PASK: variants seen among roughly 807,000 people sequenced by gnomAD.
The protein encoded by PASK is PAS domain-containing serine/threonine-protein kinase.
PASK carries 110 observed loss-of-function variants against 121.0 expected under a neutral mutation model. The observed-to-expected ratio is 0.91, with a 90% CI of 0.78 to 1.06. PASK has a LOEUF of 1.06. Ranked by LOEUF, PASK falls within the 50% of genes least tolerant of loss-of-function variation. PASK has a pLI of 0.00. For synonymous variants in PASK, 686 were observed against 717.8 expected (o/e 0.96, Z 0.71); for missense variants, 1,643 against 1,702.3 (o/e 0.97, Z 0.61).
At chr2:241,124,932 C>T (rs1294619500) in intron 10 of PASK, among the ~76,000 whole-genome samples, 3 of 152,006 alleles carry the variant, frequency 2.0e-5, no homozygotes, top group Admixed American at 6.6e-5. Flanking sequence ...TTTGGGAGGC[C>T]GAGGCGGGCG....
At chr2:241,144,732 A>T (rs1376618725) in intron 1 of PASK, among the ~76,000 whole-genome samples, 2 of 152,156 alleles carry the variant, frequency 1.3e-5, no homozygotes, top group Non-Finnish European at 2.9e-5. Flanking sequence ...TGGGGTGAAG[A>T]GGAAAGGGGA....
intron 9 of PASK, among the ~76,000 whole-genome samples, chr2:241,130,895 T>C (rs1478343798): frequency 6.6e-6 from 1 of 152,132 alleles, no homozygotes; most frequent in African/African-American, 2.4e-5. Context: ...ACACTGTGTA[T>C]GGTATAATCC....
intron 12 of PASK, chr2:241,118,952 T>C (rs1470266418): frequency 8.8e-6 from 9 of 1,023,682 alleles, no homozygotes; most frequent in Non-Finnish European, 1.1e-5. Flanking sequence ...AAGCTGCCCG[T>C]GGCTGGCAAG....
chr2:241,127,187 C>T lies in PASK; in HGVS notation c.1728G>A (p.Met576Ile), dbSNP rs1408478899. The T allele has an allele frequency of 6.2e-7, 1 of 1,614,120 alleles. No individual in the cohort carries two copies. The change falls in exon 10 of 18, where the codon ATG (methionine) becomes ATA (isoleucine). Residue 576 changes from methionine to isoleucine, a missense_variant. Physicochemically the swap from Met to Ile is conservative, Grantham distance 10. Coordinates refer to ENST00000234040, the MANE Select transcript of PASK (RefSeq NM_015148.4). ...CTGAACCGCTGGGACCACTGACTCC[C>T]ATCCGCTCTAGCTGGGCCTTCTGAC... ...GLCQKAQLER[M>I]GVSGPSGSDL...
chr2:241,143,631 G>C (rs976797295), intron 1 of PASK, among the ~76,000 whole-genome samples: 1 of 151,882 alleles, frequency 6.6e-6, no homozygotes, highest in Non-Finnish European at 1.5e-5. Context: ...GAGAGAGAGA[G>C]GAAAACAAAG....
intron 15 of PASK, among the ~76,000 whole-genome samples, chr2:241,110,002 C>T (rs1167491382): frequency 6.6e-6 from 1 of 152,192 alleles, no homozygotes; most frequent in Non-Finnish European, 1.5e-5. Flanking sequence ...GATGTTTGCA[C>T]ACACGTTTGT....
intron 8 of PASK, chr2:241,133,386 T>G (rs2066259124): frequency 2.7e-6 from 1 of 372,022 alleles, no homozygotes; most frequent in Non-Finnish European, 5.2e-6. Flanking sequence ...TCTCTCCACC[T>G]GGCCTCCCTG....
intron 1 of PASK, among the ~76,000 whole-genome samples, chr2:241,144,343 G>C (rs1444162257): frequency 1.3e-5 from 2 of 152,200 alleles, no homozygotes; most frequent in African/African-American, 4.8e-5. Flanking sequence ...CTTAAAGCAA[G>C]AAGATTTCCT....
chr2:241,126,496 G>C lies in PASK; in HGVS notation c.2419C>G (p.Leu807Val). 6.2e-7 allele frequency: 1 copy of C among 1,614,252 alleles called. No homozygotes were observed. The highest frequency in any genetic ancestry group is 8.5e-7 in the Non-Finnish European group (1 of 1,180,038). Residue 807 changes from leucine (L) to valine (V), a missense_variant, in exon 10 of 18, where the codon CTT becomes GTT. By Grantham distance (32) the Leu-to-Val change is conservative. Transcript: ENST00000234040. ...LLLLTGTCVDLGQGRRFRESC... is the reference protein window; with the variant it reads ...LLLLTGTCVDVGQGRRFRESC... The stretch of plus-strand genomic sequence containing the variant: ...TCCCGGAACCGTCGGCCTTGGCCAA[G>C]GTCAACACAGGTGCCGGTCAGTAGT...
chr2:241,131,006 A>G (rs888961974), intron 9 of PASK, among the ~76,000 whole-genome samples: 2 of 152,172 alleles, frequency 1.3e-5, no homozygotes, highest in Admixed American at 6.5e-5. Flanking sequence ...CACAAGAAAG[A>G]AGGCCTGGAA....
At chr2:241,133,249 C>T (rs1041777771) in intron 8 of PASK, 7 of 614,078 alleles carry the variant, frequency 1.1e-5, no homozygotes, top group African/African-American at 1.1e-4. Context: ...TACCATGATC[C>T]TATTAACACC....
chr2:241,147,164 T>C (rs1382106393), intron 1 of PASK, among the ~76,000 whole-genome samples: 1 of 152,218 alleles, frequency 6.6e-6, no homozygotes, highest in Non-Finnish European at 1.5e-5. Flanking sequence ...GAGGCAGTTT[T>C]TTCTACTTTT....
chr2:241,127,856 C>G, intron 9 of PASK: 1 of 334,186 alleles, frequency 3.0e-6, no homozygotes, highest in Non-Finnish European at 5.8e-6. Flanking sequence ...ATTGGAGAGT[C>G]CCTGGTAAAC....
At chr2:241,132,385 G>A (rs760862738) in intron 9 of PASK, among the ~76,000 whole-genome samples, 20 of 151,546 alleles carry the variant, frequency 1.3e-4, no homozygotes, top group African/African-American at 3.6e-4. Context: ...GCGTGGTGGC[G>A]GGCGCCTGTA....
At chr2:241,129,905 A>G (rs2066048204) in intron 9 of PASK, among the ~76,000 whole-genome samples, 1 of 152,214 alleles carries the variant, frequency 6.6e-6, no homozygotes, top group Non-Finnish European at 1.5e-5. Flanking sequence ...CTGCTGTCTG[A>G]GCACATCACC....
rs373623884 is a variant in PASK, at chr2:241,133,060, C to T, written c.1307-30G>A. On this transcript the variant is annotated intron_variant, in intron 8 of 17. Coordinates refer to ENST00000234040, the MANE Select transcript of PASK (RefSeq NM_015148.4). ...CAGCAACACCAAAAAAGAGCGTTTG[C>T]TCTTCACAGGCACTCCCTAAAACGA... 1.3e-4 allele frequency: 203 copies of T among 1,611,720 alleles called. 2 individuals carry two copies. Among genetic ancestry groups the T allele is most frequent in the Non-Finnish European group, 9.5e-5 (112 of 1,178,084 alleles).
chr2:241,150,100 C>A, upstream of PASK: 10 of 1,265,344 alleles, frequency 7.9e-6, no homozygotes, highest in Non-Finnish European at 1.0e-5. Context: ...GAAAGATCCG[C>A]CTGGCCCGCG....
upstream of PASK, chr2:241,150,016 T>C (rs942526561): frequency 3.0e-5 from 42 of 1,394,608 alleles, no homozygotes; most frequent in Non-Finnish European, 3.7e-5. Context: ...GTTCGGCCCA[T>C]TGTACAGACG....
At chr2:241,111,569 A>G (rs1039218421) in intron 15 of PASK, among the ~76,000 whole-genome samples, 5 of 152,178 alleles carry the variant, frequency 3.3e-5, no homozygotes, top group African/African-American at 1.2e-4. Flanking sequence ...AGGCCCTACA[A>G]ATGAACCACA....
Sources: allele counts gnomAD v4.1 joint callset (sites outside exome capture counted in the v4.1 genomes callset), GRCh38; gene constraint gnomAD v4.1.1; transcripts MANE v1.5; gene names NCBI Gene and HGNC (gene_info 2026-07-23, HGNC 2026-07-21).